Variants in LRRK1 observed in about 807,000 individuals in gnomAD.
LRRK1 encodes the protein leucine rich repeat kinase 1.
Under a neutral mutation model 209.1 loss-of-function variants are expected in LRRK1, and 113 were observed. The observed-to-expected ratio is 0.54, with a 90% CI of 0.46 to 0.63. The LOEUF (loss-of-function observed/expected upper bound fraction) is 0.63. LRRK1 is among the 30% of genes least tolerant of loss of function. LRRK1 has a pLI of 0.00. For missense variants in LRRK1, 2,284 were observed against 2,632.2 expected, an observed-to-expected ratio of 0.87 and a Z score of 2.89; for synonymous variants, 1,144 against 1,099.7, an observed-to-expected ratio of 1.04 and a Z score of -0.80.
chr15:101,028,723 A>G (rs1325335739), intron 19 of LRRK1, among the ~76,000 whole-genome samples: 3 of 152,272 alleles, frequency 2.0e-5, no homozygotes, highest in Non-Finnish European at 4.4e-5. Context: ...AATGAGGATC[A>G]AGTGTAGTTA....
rs1337990769 is a variant in LRRK1, at chr15:101,075,528, T to C, written c.*6680T>C. On this transcript the variant is annotated 3_prime_UTR_variant, in exon 34 of 34. Transcript: ENST00000388948. ...TCACCCTTACCCCGCTCAACACCAA[T>C]ATCCCATCCCACAGCATGCTTTGAA... is the stretch of plus-strand genomic sequence containing the variant. 3.2e-5 allele frequency: 4 copies of C among 125,870 alleles called. No homozygotes were observed. The highest frequency in any genetic ancestry group is 7.5e-5 in the Admixed American group (1 of 13,324). 7.8% of individuals were successfully genotyped at this position (125,870 alleles called of 1,614,324 possible). A position where few individuals can be genotyped will look rare whatever the true frequency, so the allele number is the denominator to read the frequency against.
chr15:101,011,015 C>T lies in LRRK1; in HGVS notation c.1281+178C>T, dbSNP rs533555479. 5.5e-4 allele frequency among the ~76,000 whole-genome samples: 84 copies of T among 152,256 alleles called. 1 individual carries two copies. The South Asian group carries it at 0.017, about 31-fold the overall frequency. ...GCATACAGCGAGGCTGTGTCCCAGG[C>T]AGATGACTCACCTGAAAGCCAGCCT... On this transcript the variant is annotated intron_variant, in intron 9 of 33. Coordinates refer to ENST00000388948, the MANE Select transcript of LRRK1 (RefSeq NM_024652.6).
At chr15:100,950,880 G>C (rs1695093625) in intron 2 of LRRK1, among the ~76,000 whole-genome samples, 1 of 152,202 alleles carries the variant, frequency 6.6e-6, no homozygotes, top group South Asian at 2.1e-4. Flanking sequence ...AAGGCGGGCA[G>C]ATCACGAGGT....
intron 2 of LRRK1, among the ~76,000 whole-genome samples, chr15:100,941,062 A>G (rs80033855): frequency 0.055 from 8,315 of 152,304 alleles, 243 homozygotes; most frequent in Middle Eastern, 0.068. Context: ...ACTGCTTCCA[A>G]TGAGCCTGTG....
At chr15:101,066,497 CTG>C in intron 32 of LRRK1, 141 bp from the exon 33 acceptor site, 1 of 827,488 alleles carries the variant, frequency 1.2e-6, no homozygotes, top group Non-Finnish European at 2.0e-6. Context: ...GCTTTGAAGT[CTG>C]TCCCCTCCCC....
intron 1 of LRRK1, among the ~76,000 whole-genome samples, chr15:100,922,753 C>T (rs184498876): frequency 3.2e-4 from 49 of 152,318 alleles, no homozygotes; most frequent in Admixed American, 1.8e-3. Context: ...ATCGTTTTTC[C>T]TTTCCTCCTT....
chr15:101,032,386 G>A (rs895388151), intron 20 of LRRK1, among the ~76,000 whole-genome samples: 8 of 151,582 alleles, frequency 5.3e-5, no homozygotes, highest in Non-Finnish European at 7.4e-5. Context: ...CCATTAACTC[G>A]TCATTTAACA....
Position 101,075,053 on chromosome 15 carries a change from C to G in LRRK1, c.*6205C>G, listed in dbSNP as rs1366153208. 1 of 90,288 alleles carries G rather than the reference C, an allele frequency of 1.1e-5. No homozygotes were observed. The highest frequency in any genetic ancestry group is 4.3e-5 in the African/African-American group (1 of 23,394). 5.6% of individuals were successfully genotyped at this position (90,288 alleles called of 1,614,324 possible). A position where few individuals can be genotyped will look rare whatever the true frequency, so the allele number is the denominator to read the frequency against. On this transcript the variant is annotated 3_prime_UTR_variant, in exon 34 of 34. Transcript: ENST00000388948. ...ACCTCGGAAGCCCCCTAGACCATCA[C>G]GGACGCCGAGCTGCCAGTAACTCTC...
At chr15:100,962,841 G>C (rs1392605512) in intron 2 of LRRK1, among the ~76,000 whole-genome samples, 1 of 10,156 alleles carries the variant, frequency 9.8e-5, no homozygotes, top group Non-Finnish European at 2.3e-4. Flanking sequence ...TTTTTTTTTT[G>C]AGATGGAGTT....
rs1477236276 is a variant in LRRK1 at position 101,075,592 on chromosome 15, G to A, written c.*6744G>A. Reference sequence around the variant, plus strand: ...GTTATCACTCTCCTGCTACAGCATGGCCTTTTAAAGCCTATAAACTCTCCT... The same window carrying A: ...GTTATCACTCTCCTGCTACAGCATGACCTTTTAAAGCCTATAAACTCTCCT... On this transcript the variant is annotated 3_prime_UTR_variant, in exon 34 of 34. Coordinates refer to ENST00000388948, the MANE Select transcript of LRRK1 (RefSeq NM_024652.6). 1 of 146,528 alleles carries A rather than the reference G, an allele frequency of 6.8e-6. No homozygotes were observed. Among genetic ancestry groups the A allele is most frequent in the Non-Finnish European group, 1.5e-5 (1 of 67,760 alleles). 9.1% of individuals were successfully genotyped at this position (146,528 alleles called of 1,614,324 possible). A position where few individuals can be genotyped will look rare whatever the true frequency, so the allele number is the denominator to read the frequency against.
chr15:100,998,852 G>A (rs2141680235), intron 6 of LRRK1, among the ~76,000 whole-genome samples: 1 of 151,874 alleles, frequency 6.6e-6, no homozygotes, highest in South Asian at 2.1e-4. Flanking sequence ...GGGTAGATGG[G>A]TGGGTGGATG....
At position 101,022,649 on chromosome 15, in the gene LRRK1, G is replaced by A; in HGVS notation, c.2067+52G>A. 1 of 1,293,102 alleles carries A rather than the reference G, an allele frequency of 7.7e-7. No homozygotes were observed. Among genetic ancestry groups the A allele is most frequent in the Non-Finnish European group, 1.1e-6 (1 of 929,528 alleles). 80.1% of individuals were successfully genotyped at this position (1,293,102 alleles called of 1,614,324 possible). A position where few individuals can be genotyped will look rare whatever the true frequency, so the allele number is the denominator to read the frequency against. ...CCTGTGGGTGGGAGGAACATCCCTTGGACTCCTTCTCCCTTCTCCCCAGAG... is the reference window on the plus strand; with the variant it reads ...CCTGTGGGTGGGAGGAACATCCCTTAGACTCCTTCTCCCTTCTCCCCAGAG... On this transcript the variant is annotated intron_variant, in intron 15 of 33. Coordinates refer to ENST00000388948, the MANE Select transcript of LRRK1 (RefSeq NM_024652.6). This position sits in a 1 kb window ranked among gnomAD's most constrained non-coding sequence, Gnocchi z 4.0.
chr15:100,958,521 G>C (rs2042811912), intron 2 of LRRK1, among the ~76,000 whole-genome samples: 1 of 152,184 alleles, frequency 6.6e-6, no homozygotes, highest in Non-Finnish European at 1.5e-5. Flanking sequence ...AAGTAAATAA[G>C]ATTCCAATAC....
intron 2 of LRRK1, among the ~76,000 whole-genome samples, chr15:100,966,549 A>T (rs2030472919): frequency 6.6e-6 from 1 of 152,222 alleles, no homozygotes; most frequent in Non-Finnish European, 1.5e-5. Context: ...TTTTTCTTTC[A>T]ATTTAAATAA....
intron 32 of LRRK1, among the ~76,000 whole-genome samples, 199 bp downstream of exon 32, chr15:101,066,404 T>C (rs896984103): frequency 6.6e-6 from 1 of 152,222 alleles, no homozygotes; most frequent in Non-Finnish European, 1.5e-5. Context: ...CAAAAGCTTA[T>C]TGCCTGCCAG....
intron 6 of LRRK1, among the ~76,000 whole-genome samples, chr15:101,005,468 C>T (rs1333789980): frequency 1.3e-5 from 2 of 152,208 alleles, no homozygotes; most frequent in African/African-American, 2.4e-5. Flanking sequence ...AAAAAAACCC[C>T]TTTGCTGCAT....
chr15:100,920,275 T>C (rs1238310704), intron 1 of LRRK1: 4 of 152,238 alleles, frequency 2.6e-5, no homozygotes, highest in Admixed American at 6.5e-5. Context: ...CGGGGGCATA[T>C]AGCTTTCAGC....
At chr15:101,038,249 A>C (rs1181873604) in intron 20 of LRRK1, among the ~76,000 whole-genome samples, 1 of 152,190 alleles carries the variant, frequency 6.6e-6, no homozygotes, top group Non-Finnish European at 1.5e-5. Flanking sequence ...GAGATAAAAA[A>C]CTACACATCA....
intron 6 of LRRK1, among the ~76,000 whole-genome samples, chr15:100,993,438 C>T (rs2032256667): frequency 6.6e-6 from 1 of 152,162 alleles, no homozygotes; most frequent in Non-Finnish European, 1.5e-5. Context: ...AAATCTCATT[C>T]TTCTTATGTC....
Sources: allele counts gnomAD v4.1 joint callset (sites outside exome capture counted in the v4.1 genomes callset), GRCh38; gene constraint gnomAD v4.1.1; non-coding constraint Gnocchi (gnomAD v3.1); transcripts MANE v1.5; gene names NCBI Gene and HGNC (gene_info 2026-07-23, HGNC 2026-07-21).